SLC35D2: variants seen among roughly 807,000 people sequenced by gnomAD.
SLC35D2 encodes nucleotide sugar transporter SLC35D2.
Under a neutral mutation model 41.8 loss-of-function variants are expected in SLC35D2, and 43 were observed. The observed-to-expected ratio is 1.03, with a 90% CI of 0.81 to 1.33. The LOEUF (loss-of-function observed/expected upper bound fraction) is 1.33. Among genes scored for constraint, SLC35D2 ranks in the 40% most tolerant of loss-of-function variants. The pLI is 0.00. For missense variants in SLC35D2, 380 were observed against 408.4 expected (o/e 0.93, Z 0.60); for synonymous variants, 150 against 163.9 (o/e 0.92, Z 0.65).
chr9:96,321,933 A>T, intron 11 of SLC35D2, 65 bp downstream of exon 11: 3 of 923,916 alleles, frequency 3.2e-6, no homozygotes, highest in Non-Finnish European at 5.2e-6. Context: ...TGCTTATTAC[A>T]TATTAATCAG....
At chr9:96,325,723 A>T (rs756166169) in intron 9 of SLC35D2, among the ~76,000 whole-genome samples, 17 of 152,196 alleles carry the variant, frequency 1.1e-4, no homozygotes, top group Non-Finnish European at 2.1e-4. Flanking sequence ...ACTTGGATTC[A>T]CCATTGACAG....
chr9:96,349,801 A>G (rs574257315), intron 6 of SLC35D2, among the ~76,000 whole-genome samples: 58 of 152,296 alleles, frequency 3.8e-4, no homozygotes, highest in African/African-American at 1.4e-3. Context: ...CTGGGATTAC[A>G]GGCATGAGCC....
At chr9:96,380,797 A>G (rs888540560) in intron 1 of SLC35D2, among the ~76,000 whole-genome samples, 2 of 151,274 alleles carry the variant, frequency 1.3e-5, no homozygotes, top group East Asian at 1.9e-4. Context: ...TAAGTGTTTA[A>G]GTTTTCTTTT....
At chr9:96,382,621 G>GA (rs928813718) in intron 1 of SLC35D2, among the ~76,000 whole-genome samples, 76 of 151,684 alleles carry the variant, frequency 5.0e-4, no homozygotes, top group African/African-American at 1.8e-3. Flanking sequence ...CACATAAGCT[G>GA]AATCTGTATG....
intron 1 of SLC35D2, 139 bp downstream of exon 1, chr9:96,383,338 G>A (rs556323347): frequency 3.2e-4 from 169 of 525,196 alleles, no homozygotes; most frequent in African/African-American, 3.0e-3. Flanking sequence ...AGGGCGCCTG[G>A]GAAACTCGAC....
chr9:96,313,528 A>C (rs1171731694), exon 12 of SLC35D2, among the ~76,000 whole-genome samples: 1 of 152,156 alleles, frequency 6.6e-6, no homozygotes, highest in Non-Finnish European at 1.5e-5. Context: ...CAGACTCCCC[A>C]GGTATCACCC....
rs73538930 is a variant in SLC35D2 at position 96,358,598 on chromosome 9, T to C, written c.347+1556A>G. On this transcript the variant is annotated intron_variant, in intron 4 of 11. Transcript: ENST00000253270. ...AAAAAACAACCCTTCCTGGTCACTA[T>C]TGAAGGTGTCAGGACACTAATTTAT... is the stretch of plus-strand genomic sequence containing the variant. 2.4e-3 allele frequency among the ~76,000 whole-genome samples: 373 copies of C among 152,316 alleles called. 1 individual carries two copies. The highest frequency in any genetic ancestry group is 8.4e-3 in the African/African-American group (348 of 41,580).
At chr9:96,338,025 GAATTT>G (rs1829133167) in intron 8 of SLC35D2, among the ~76,000 whole-genome samples, 2 of 148,414 alleles carry the variant, frequency 1.3e-5, no homozygotes. Flanking sequence ...TGCTCTCCAG[GAATTT>G]AATCCCTAGC....
chr9:96,336,995 TA>T (rs34806341), intron 8 of SLC35D2, among the ~76,000 whole-genome samples: 1 of 152,132 alleles, frequency 6.6e-6, no homozygotes, highest in South Asian at 2.1e-4. Context: ...CTAGCTTATT[TA>T]AAAAAAGGAA....
intron 6 of SLC35D2, among the ~76,000 whole-genome samples, chr9:96,345,865 C>T (rs539950799): frequency 7.4e-4 from 113 of 152,210 alleles, no homozygotes; most frequent in Non-Finnish European, 1.4e-3. Context: ...CCAAACCGCA[C>T]CCCGTCCATC....
intron 8 of SLC35D2, among the ~76,000 whole-genome samples, chr9:96,343,118 G>A (rs1011787899): frequency 2.0e-5 from 3 of 152,144 alleles, no homozygotes; most frequent in Admixed American, 1.3e-4. Context: ...TGTGTGGCCC[G>A]CGACTTCCTG....
At chr9:96,359,992 C>G (rs547535149) in intron 4 of SLC35D2, among the ~76,000 whole-genome samples, 162 bp downstream of exon 4, 9 of 152,072 alleles carry the variant, frequency 5.9e-5, no homozygotes, top group Non-Finnish European at 1.2e-4. Flanking sequence ...AATCATTGGC[C>G]AATTAAACTC....
At chr9:96,326,754 C>T (rs1480695585) in intron 9 of SLC35D2, among the ~76,000 whole-genome samples, 5 of 147,470 alleles carry the variant, frequency 3.4e-5, no homozygotes, top group Admixed American at 1.4e-4. Flanking sequence ...TGCAGTGAGC[C>T]GGGATCGCAC....
intron 4 of SLC35D2, among the ~76,000 whole-genome samples, chr9:96,358,426 C>T (rs1037372317): frequency 7.9e-5 from 12 of 151,956 alleles, no homozygotes; most frequent in Non-Finnish European, 1.5e-5. Flanking sequence ...AAAACTTCTG[C>T]TCTGTGAAAG....
At chr9:96,345,098 T>G (rs1256422668) in intron 7 of SLC35D2, among the ~76,000 whole-genome samples, 3 of 152,208 alleles carry the variant, frequency 2.0e-5, no homozygotes, top group Non-Finnish European at 2.9e-5. Flanking sequence ...TCTAAACTAG[T>G]GGCTTTTCCC....
chr9:96,341,582 C>A (rs957967729), intron 8 of SLC35D2, among the ~76,000 whole-genome samples: 2 of 152,088 alleles, frequency 1.3e-5, no homozygotes, highest in Admixed American at 1.3e-4. Context: ...AGTTCATGAA[C>A]AATGCTTTGA....
At chr9:96,358,077 ATTTTATAT>A (rs1354408409) in intron 4 of SLC35D2, among the ~76,000 whole-genome samples, 1 of 82,248 alleles carries the variant, frequency 1.2e-5, no homozygotes, top group African/African-American at 6.8e-5. Context: ...AATATTATAT[ATTTTATAT>A]ATATATATAT....
intron 9 of SLC35D2, among the ~76,000 whole-genome samples, chr9:96,325,501 G>T (rs527253382): frequency 6.6e-6 from 1 of 152,240 alleles, no homozygotes; most frequent in East Asian, 1.9e-4. Flanking sequence ...TGGCCAACAT[G>T]GTGAAACCCT....
chr9:96,314,614 G>C (rs556850683), exon 12 of SLC35D2: 2 of 152,276 alleles, frequency 1.3e-5, no homozygotes, highest in Admixed American at 1.3e-4. Flanking sequence ...GGGAGCATCA[G>C]GATAAATAGC....
Sources: allele counts gnomAD v4.1 joint callset (sites outside exome capture counted in the v4.1 genomes callset), GRCh38; gene constraint gnomAD v4.1.1; transcripts MANE v1.5; gene names NCBI Gene and HGNC (gene_info 2026-07-23, HGNC 2026-07-21).